The following MXI1 variants were observed in gnomAD, a reference collection of about 807,000 sequenced individuals.
The protein encoded by MXI1 is MAX interactor 1, dimerization protein.
In MXI1, 18 loss-of-function variants were observed where a neutral mutation model predicts 36.9. That is an observed-to-expected ratio of 0.49 (90% CI 0.34 to 0.72). The LOEUF is 0.72. Among genes scored for constraint, MXI1 ranks in the 30% least tolerant of loss-of-function variants. The pLI is 0.01. For missense variants in MXI1, 304 were observed against 379.1 expected, an observed-to-expected ratio of 0.80 and a Z score of 1.64; for synonymous variants, 160 against 146.7, an observed-to-expected ratio of 1.09 and a Z score of -0.65.
chr10:110,248,406 A>G (rs1053686550), intron 3 of MXI1, among the ~76,000 whole-genome samples: 2 of 152,158 alleles, frequency 1.3e-5, no homozygotes, highest in Non-Finnish European at 2.9e-5. Context: ...TGACTCATTG[A>G]TAACCTTTTT....
intron 5 of MXI1, among the ~76,000 whole-genome samples, chr10:110,281,208 G>A (rs1050552329): frequency 6.6e-5 from 10 of 151,926 alleles, no homozygotes; most frequent in African/African-American, 1.2e-4. Context: ...TCTTCACTAC[G>A]CTCACCCTCA....
intron 3 of MXI1, among the ~76,000 whole-genome samples, chr10:110,255,037 A>T (rs1856237075): frequency 6.6e-6 from 1 of 152,044 alleles, no homozygotes; most frequent in African/African-American, 2.4e-5. Flanking sequence ...TCATAGCTAG[A>T]GCAGAAGTCA....
chr10:110,221,965 C>T (rs1466643187), intron 1 of MXI1, among the ~76,000 whole-genome samples: 2 of 152,180 alleles, frequency 1.3e-5, no homozygotes, highest in Non-Finnish European at 2.9e-5. Context: ...TACGTCATCC[C>T]TTCTAGACCC....
intron 3 of MXI1, among the ~76,000 whole-genome samples, chr10:110,265,423 T>TC (rs1402278239): frequency 6.6e-6 from 1 of 152,176 alleles, no homozygotes; most frequent in African/African-American, 2.4e-5. Flanking sequence ...GACTTGCAAG[T>TC]AATGGGTAAT....
At chr10:110,257,732 T>C in intron 3 of MXI1, 1 of 219,278 alleles carries the variant, frequency 4.6e-6, no homozygotes, top group East Asian at 1.2e-4. Flanking sequence ...AAGAGAAAGG[T>C]TTCTGGGTTC....
At chr10:110,284,798 CTTCT>C in intron 5 of MXI1, 22 bp from the exon 6 acceptor site, 6 of 1,572,368 alleles carry the variant, frequency 3.8e-6, no homozygotes, top group Admixed American at 1.9e-5. Flanking sequence ...AATTAATGTT[CTTCT>C]TTTTTTTTTT....
At chr10:110,211,587 T>C (rs1380751288) in intron 1 of MXI1, among the ~76,000 whole-genome samples, 1 of 152,254 alleles carries the variant, frequency 6.6e-6, no homozygotes, top group Non-Finnish European at 1.5e-5. Flanking sequence ...TGCCTTATTT[T>C]CCATCGTAGC....
At chr10:110,244,631 C>T (rs991632131) in intron 2 of MXI1, among the ~76,000 whole-genome samples, 197 bp from the exon 3 acceptor site, 1 of 151,948 alleles carries the variant, frequency 6.6e-6, no homozygotes, top group African/African-American at 2.4e-5. Context: ...GAGTTGTTAA[C>T]TGAAAATACT....
chr10:110,212,247 C>T (rs117904151), intron 1 of MXI1, among the ~76,000 whole-genome samples: 4 of 152,256 alleles, frequency 2.6e-5, no homozygotes, highest in Non-Finnish European at 5.9e-5. Context: ...CCTAGGGGCA[C>T]GGACAGCCCA....
chr10:110,266,842 A>G (rs900774426), intron 3 of MXI1, among the ~76,000 whole-genome samples: 16 of 152,198 alleles, frequency 1.1e-4, no homozygotes, highest in Non-Finnish European at 2.1e-4. Flanking sequence ...ACCTGTGATT[A>G]TTGATTTTTA....
intron 5 of MXI1, among the ~76,000 whole-genome samples, chr10:110,282,827 T>A (rs997732012): frequency 5.9e-5 from 9 of 152,308 alleles, no homozygotes; most frequent in East Asian, 3.9e-4. Context: ...TTTGGGTTTT[T>A]AAAAAATTTT....
At chr10:110,252,967 T>C (rs1856152600) in intron 3 of MXI1, among the ~76,000 whole-genome samples, 1 of 152,132 alleles carries the variant, frequency 6.6e-6, no homozygotes, top group African/African-American at 2.4e-5. Flanking sequence ...ATCGTACTTT[T>C]TTAGAAGCAT....
intron 2 of MXI1, among the ~76,000 whole-genome samples, chr10:110,233,444 A>G (rs575243598): frequency 1.3e-5 from 2 of 152,204 alleles, no homozygotes; most frequent in East Asian, 1.9e-4. Context: ...TCTTTATTCT[A>G]CGTGAACCTA....
At chr10:110,230,230 T>G (rs927070514) in intron 2 of MXI1, among the ~76,000 whole-genome samples, 2 of 152,234 alleles carry the variant, frequency 1.3e-5, no homozygotes, top group African/African-American at 4.8e-5. Flanking sequence ...AAGAAACTCT[T>G]AGTCATCTGT....
chr10:110,207,796 C>A lies in MXI1; in HGVS notation c.-13C>A. The A allele has an allele frequency of 8.8e-7, 1 of 1,129,986 alleles. No homozygotes were observed. The highest frequency in any genetic ancestry group is 1.1e-6 in the Non-Finnish European group (1 of 920,718). 70.0% of individuals were successfully genotyped at this position (1,129,986 alleles called of 1,614,324 possible). Reference sequence around the variant, plus strand: ...CCCGTTAGAGGACGAGCTCGGCGGACCCCCGCTCCTCCATGGGCAAACGCG... The same window carrying A: ...CCCGTTAGAGGACGAGCTCGGCGGAACCCCGCTCCTCCATGGGCAAACGCG... On this transcript the variant is annotated 5_prime_UTR_variant, in exon 1 of 6. Transcript: ENST00000332674.
chr10:110,279,163 C>CT lies in MXI1; in HGVS notation c.438-12dup, dbSNP rs1491444759. 1.9e-6 allele frequency: 3 copies of CT among 1,589,356 alleles called. No individual in the cohort carries two copies. The South Asian group carries it at 3.3e-5, about 18-fold the overall frequency. ...AAATAACCAGACTGTGCTGATTTGA[C>CT]TTTTTGTCTTTCTTAGACGAGCTCA... is the stretch of plus-strand genomic sequence containing the variant. On this transcript the variant is annotated splice_polypyrimidine_tract_variant and intron_variant, in intron 3 of 5. Transcript: ENST00000332674.
chr10:110,280,407 C>G (rs1390496372), intron 5 of MXI1, among the ~76,000 whole-genome samples: 3 of 151,652 alleles, frequency 2.0e-5, no homozygotes, highest in East Asian at 3.9e-4. Context: ...GATGTTGTGC[C>G]CGGTGGCTCA....
At chr10:110,219,996 A>G (rs1008144931) in intron 1 of MXI1, among the ~76,000 whole-genome samples, 2 of 152,208 alleles carry the variant, frequency 1.3e-5, no homozygotes, top group Non-Finnish European at 2.9e-5. Flanking sequence ...TCATTGTGAC[A>G]ATAAAAAAGA....
intron 2 of MXI1, among the ~76,000 whole-genome samples, chr10:110,230,781 T>C (rs1855230015): frequency 6.6e-6 from 1 of 152,252 alleles, no homozygotes. Context: ...AATGAGATTT[T>C]ATTATGCTGG....
Sources: gnomAD v4.1 joint callset for allele counts (sites outside exome capture counted in the v4.1 genomes callset) on GRCh38, gnomAD v4.1.1 for gene constraint, MANE v1.5 for transcripts, NCBI Gene and HGNC (gene_info 2026-07-23, HGNC 2026-07-21) for gene names.